FBXL17: variants seen among roughly 807,000 people sequenced by gnomAD.
FBXL17 encodes the protein F-box/LRR-repeat protein 17.
In FBXL17, 22 loss-of-function variants were observed where a neutral mutation model predicts 66.2. That is an observed-to-expected ratio of 0.33 (90% CI 0.24 to 0.47). The LOEUF (loss-of-function observed/expected upper bound fraction) is 0.47. FBXL17 is among the 20% of genes least tolerant of loss of function. FBXL17 has a pLI of 1.00. For missense variants in FBXL17, 878 were observed against 948.2 expected (o/e 0.93, Z 0.97); for synonymous variants, 474 against 400.5 (o/e 1.18, Z -2.19).
chr5:108,295,995 G>A (rs1323048013), intron 4 of FBXL17, among the ~76,000 whole-genome samples: 1 of 149,218 alleles, frequency 6.7e-6, no homozygotes, highest in Non-Finnish European at 1.5e-5. Context: ...TTCAGTGCTA[G>A]TAAGAATAGG....
At chr5:107,950,765 T>A (rs1297559943) in intron 7 of FBXL17, among the ~76,000 whole-genome samples, 17 of 152,178 alleles carry the variant, frequency 1.1e-4, no homozygotes, top group Non-Finnish European at 8.8e-5. Context: ...AAATAGGTAA[T>A]TGAAAGTTTG....
At chr5:108,277,428 G>GA (rs1372397143) in intron 4 of FBXL17, among the ~76,000 whole-genome samples, 2 of 151,936 alleles carry the variant, frequency 1.3e-5, no homozygotes, top group East Asian at 3.8e-4. Context: ...AGAAACTACT[G>GA]AAAAAATTAA....
intron 4 of FBXL17, among the ~76,000 whole-genome samples, chr5:108,287,214 A>G (rs890617843): frequency 6.6e-5 from 10 of 152,140 alleles, no homozygotes; most frequent in South Asian, 2.1e-4. Flanking sequence ...AGGACCTGGC[A>G]AAGATTTCAT....
intron 6 of FBXL17, among the ~76,000 whole-genome samples, chr5:108,052,496 G>T (rs1242777067): frequency 6.6e-6 from 1 of 152,184 alleles, no homozygotes; most frequent in Non-Finnish European, 1.5e-5. Context: ...AACAAGGGAT[G>T]TGAAGGACCT....
chr5:108,322,792 T>C (rs939081484), intron 4 of FBXL17, among the ~76,000 whole-genome samples: 3 of 151,942 alleles, frequency 2.0e-5, no homozygotes, highest in African/African-American at 4.8e-5. Flanking sequence ...GTCTATACTG[T>C]ACATCAAGGT....
At chr5:108,140,336 C>A (rs1000864718) in intron 6 of FBXL17, among the ~76,000 whole-genome samples, 1 of 152,150 alleles carries the variant, frequency 6.6e-6, no homozygotes, top group South Asian at 2.1e-4. Flanking sequence ...TGAGCCACTG[C>A]GCCTGGCAAC....
chr5:108,308,653 G>A (rs1343866054), intron 4 of FBXL17, among the ~76,000 whole-genome samples: 2 of 152,154 alleles, frequency 1.3e-5, no homozygotes, highest in Non-Finnish European at 2.9e-5. Flanking sequence ...AATGAGCACT[G>A]TGACACATCA....
chr5:107,947,304 G>A (rs1291178317), intron 7 of FBXL17, among the ~76,000 whole-genome samples: 2 of 152,204 alleles, frequency 1.3e-5, no homozygotes, highest in African/African-American at 4.8e-5. Flanking sequence ...CTTCCTATGG[G>A]CTTTAAGCTC....
In FBXL17 at chr5:108,381,646, T is replaced by G; in HGVS notation, c.46A>C (p.Lys16Gln). 6.7e-7 allele frequency: 1 copy of G among 1,484,188 alleles called. No homozygotes were observed. The highest frequency in any genetic ancestry group is 8.9e-7 in the Non-Finnish European group (1 of 1,121,558). 91.9% of individuals were successfully genotyped at this position (1,484,188 alleles called of 1,614,324 possible). The change falls in exon 1 of 9, where the codon AAG (lysine) becomes CAG (glutamine). Residue 16 changes from lysine (K) to glutamine (Q), a missense_variant. Physicochemically the swap from Lys to Gln is moderately conservative, Grantham distance 53 (BLOSUM62 1). This residue lies in a region of FBXL17 where 605 missense variants were observed against 509.5 expected (regional missense o/e 1.19). Coordinates refer to ENST00000542267, the MANE Select transcript of FBXL17 (RefSeq NM_001163315.3). ...CACCAACTGCAACAGCGAGGCCTCTTCTGGCTCGGGCGGTTACGCGGCTCC... is the reference window on the plus strand; with the variant it reads ...CACCAACTGCAACAGCGAGGCCTCTGCTGGCTCGGGCGGTTACGCGGCTCC... ...SKEPRNRPSQ[K>Q]RPRCCSWCRR...
intron 4 of FBXL17, among the ~76,000 whole-genome samples, chr5:108,324,702 G>A (rs1759770090): frequency 6.6e-6 from 1 of 151,436 alleles, no homozygotes; most frequent in Non-Finnish European, 1.5e-5. Flanking sequence ...ATCAATAGAT[G>A]AATGGATAAA....
At chr5:107,898,578 C>T (rs1046410623) in intron 7 of FBXL17, among the ~76,000 whole-genome samples, 3 of 152,048 alleles carry the variant, frequency 2.0e-5, no homozygotes, top group African/African-American at 4.8e-5. Context: ...CCCATCAACC[C>T]GTCATCTACA....
chr5:108,267,058 C>A lies in FBXL17; in HGVS notation c.1507-42830G>T, dbSNP rs924716665. 3.3e-5 allele frequency among the ~76,000 whole-genome samples: 5 copies of A among 151,824 alleles called. No homozygotes were observed. In the East Asian group the frequency reaches 9.6e-4, roughly 29 times the overall value. ...ACAAAAAAATTATTCAAAAAACATG[C>A]TTTTTACTATTAAAGGTATTTAACA... On this transcript the variant is annotated intron_variant, in intron 4 of 8. Transcript: ENST00000542267.
intron 3 of FBXL17, among the ~76,000 whole-genome samples, chr5:108,355,786 A>G (rs1309747219): frequency 6.6e-6 from 1 of 152,176 alleles, no homozygotes; most frequent in Non-Finnish European, 1.5e-5. Flanking sequence ...AATTACAACC[A>G]CAAAAGGCAG....
At chr5:108,192,026 C>T (rs980747293) in intron 5 of FBXL17, among the ~76,000 whole-genome samples, 1 of 152,174 alleles carries the variant, frequency 6.6e-6, no homozygotes, top group African/African-American at 2.4e-5. Context: ...CAGTAACCAG[C>T]ATCATTACAA....
chr5:107,874,855 G>GA (rs1748568628), intron 8 of FBXL17, among the ~76,000 whole-genome samples: 1 of 152,208 alleles, frequency 6.6e-6, no homozygotes, highest in Admixed American at 6.5e-5. Context: ...GCTCCTATGT[G>GA]AAAATCACCT....
At chr5:107,899,020 A>G (rs1749479100) in intron 7 of FBXL17, among the ~76,000 whole-genome samples, 1 of 152,156 alleles carries the variant, frequency 6.6e-6, no homozygotes, top group African/African-American at 2.4e-5. Context: ...TTCTGGTTCT[A>G]GATCTTTGAG....
chr5:108,179,677 A>G lies in FBXL17; in HGVS notation c.1745+6440T>C, dbSNP rs1197538774. On this transcript the variant is annotated intron_variant, in intron 6 of 8. Transcript: ENST00000542267. ...AACACTAACAAAGAGTGCATTCTCT[A>G]TTTTGGAAGGCAGACAATGAAAATC... Among the ~76,000 whole-genome samples, 7 of 152,270 alleles carry G rather than the reference A, an allele frequency of 4.6e-5. No homozygotes were observed. The South Asian group carries it at 1.2e-3, about 27-fold the overall frequency.
rs185670459 is a variant in FBXL17, at chr5:108,327,689, C to T, written c.1506+20710G>A. On this transcript the variant is annotated intron_variant, in intron 4 of 8. Coordinates refer to ENST00000542267, the MANE Select transcript of FBXL17 (RefSeq NM_001163315.3). ...AGAAATTCCCAAGATGAAAGGCTAACTGAACCTCAAATACATAAAGCAACC... is the reference window on the plus strand; with the variant it reads ...AGAAATTCCCAAGATGAAAGGCTAATTGAACCTCAAATACATAAAGCAACC... Among the ~76,000 whole-genome samples, 3 of 152,266 alleles carry T rather than the reference C, an allele frequency of 2.0e-5. No individual in the cohort carries two copies. The East Asian group carries it at 5.8e-4, about 29-fold the overall frequency.
chr5:108,299,709 T>C (rs1758500977), intron 4 of FBXL17: 1 of 984,096 alleles, frequency 1.0e-6, no homozygotes. Context: ...TGTCCAGTAA[T>C]GCCTGGGTCC....
Sources: allele counts gnomAD v4.1 joint callset (sites outside exome capture counted in the v4.1 genomes callset), GRCh38; gene constraint gnomAD v4.1.1; regional missense constraint gnomAD v4.1.1; transcripts MANE v1.5; gene names NCBI Gene and HGNC (gene_info 2026-07-23, HGNC 2026-07-21).